FAM20B: variants seen among roughly 807,000 people sequenced by gnomAD.
FAM20B encodes FAM20B glycosaminoglycan xylosylkinase.
FAM20B carries 23 observed loss-of-function variants against 43.8 expected under a neutral mutation model. The observed-to-expected ratio is 0.53, with a 90% CI of 0.38 to 0.74. FAM20B has a LOEUF of 0.74. FAM20B is among the 30% of genes least tolerant of loss of function. The pLI, the probability that FAM20B is intolerant of heterozygous loss-of-function variation, is 0.00. For missense variants in FAM20B, 440 were observed against 510.5 expected (o/e 0.86, Z 1.33); for synonymous variants, 178 against 192.4 (o/e 0.93, Z 0.62).
At chr1:179,023,798 T>C (rs1236103617), upstream of FAM20B, among the ~76,000 whole-genome samples, 2 of 152,202 alleles carry the variant, frequency 1.3e-5, no homozygotes, top group Non-Finnish European at 2.9e-5. Context: ...CTTTCAGTGA[T>C]CACAGAGTCT....
intron 7 of FAM20B, among the ~76,000 whole-genome samples, chr1:179,068,100 A>G (rs1013750879): frequency 2.6e-5 from 4 of 152,202 alleles, no homozygotes; most frequent in Non-Finnish European, 5.9e-5. Context: ...ATCAAGAATT[A>G]GCTGGGATCC....
intron 2 of FAM20B, among the ~76,000 whole-genome samples, chr1:179,044,735 C>T (rs938039514): frequency 2.0e-5 from 3 of 152,180 alleles, no homozygotes; most frequent in Non-Finnish European, 4.4e-5. Flanking sequence ...AAGTTTGGGG[C>T]AATTGTGAAT....
At position 179,050,276 on chromosome 1, in the gene FAM20B, C is replaced by T. The variant is rs201763886; in HGVS notation, c.378-3C>T. 241 of 1,609,578 alleles carry T rather than the reference C, an allele frequency of 1.5e-4. No individual in the cohort carries two copies. Among genetic ancestry groups the T allele is most frequent in the Middle Eastern group, 1.6e-4 (1 of 6,068 alleles). Reference sequence around the variant, plus strand: ...ACATCTGTGCTTCCCATTCACTTTGCAGGTATAGCCGAGACCATGTGGTGG... The same window carrying T: ...ACATCTGTGCTTCCCATTCACTTTGTAGGTATAGCCGAGACCATGTGGTGG... On this transcript the variant is annotated splice_region_variant and splice_polypyrimidine_tract_variant and intron_variant, in intron 2 of 7. Coordinates refer to ENST00000263733, the MANE Select transcript of FAM20B (RefSeq NM_014864.4).
At position 179,039,302 on chromosome 1, in the gene FAM20B, T is replaced by C. The variant is rs145440612; in HGVS notation, c.-133-4413T>C. Among the ~76,000 whole-genome samples, 295 of 152,318 alleles carry C rather than the reference T, an allele frequency of 1.9e-3. 3 individuals are homozygous for C. The highest frequency in any genetic ancestry group is 3.6e-3 in the Non-Finnish European group (247 of 68,022). Reference sequence around the variant, plus strand: ...CAAGTGAGACGGAATTGTATGTTCTTGACACCCTTGCAAAAATCTTGTATT... The same window carrying C: ...CAAGTGAGACGGAATTGTATGTTCTCGACACCCTTGCAAAAATCTTGTATT... On this transcript the variant is annotated intron_variant, in intron 1 of 7. Coordinates refer to ENST00000263733, the MANE Select transcript of FAM20B (RefSeq NM_014864.4).
At chr1:179,067,594 ACT>A (rs1651743717) in intron 7 of FAM20B, among the ~76,000 whole-genome samples, 1 of 151,944 alleles carries the variant, frequency 6.6e-6, no homozygotes, top group Admixed American at 6.6e-5. Flanking sequence ...ACAGAGTGAG[ACT>A]CTGTCTCAAA....
chr1:179,041,690 G>GAGGGAC (rs1395860901), intron 1 of FAM20B, among the ~76,000 whole-genome samples: 1 of 147,894 alleles, frequency 6.8e-6, no homozygotes. Context: ...GGGAGAGGGA[G>GAGGGAC]ACGGGAGACG....
At chr1:179,063,336 A>G (rs889479944) in intron 4 of FAM20B, among the ~76,000 whole-genome samples, 1 of 152,190 alleles carries the variant, frequency 6.6e-6, no homozygotes, top group Non-Finnish European at 1.5e-5. Flanking sequence ...CTATAATCCC[A>G]GCATTTTGAG....
Position 179,073,743 on chromosome 1 carries a change from T to C in FAM20B, c.*1599T>C, listed in dbSNP as rs932192068. ...CTTGTTTGGAGTTCTGAACCCATGA[T>C]GTTGTATTATGCTTCTTTCTCCTCT... is the stretch of plus-strand genomic sequence containing the variant. On this transcript the variant is annotated 3_prime_UTR_variant, in exon 8 of 8. Transcript: ENST00000263733. 2.6e-5 allele frequency: 4 copies of C among 152,246 alleles called. No individual in the cohort carries two copies. In the East Asian group the frequency reaches 7.7e-4, roughly 29 times the overall value. The allele number at this position is 152,246 out of a possible 1,614,324, so 9.4% of individuals were successfully genotyped here.
chr1:179,053,453 A>G (rs1651093252), intron 3 of FAM20B, among the ~76,000 whole-genome samples: 2 of 152,058 alleles, frequency 1.3e-5, no homozygotes. Flanking sequence ...CCAAACAAAC[A>G]AACAAACAAA....
chr1:179,048,357 T>C (rs1275321280), intron 2 of FAM20B, among the ~76,000 whole-genome samples: 2 of 152,184 alleles, frequency 1.3e-5, no homozygotes, highest in Admixed American at 6.5e-5. Flanking sequence ...CTGACTTCAG[T>C]GTAGTTCTTT....
At chr1:179,071,153 G>A (rs1206266247) in intron 7 of FAM20B, among the ~76,000 whole-genome samples, 5 of 151,800 alleles carry the variant, frequency 3.3e-5, no homozygotes, top group East Asian at 2.0e-4. Context: ...AAAATTAGCC[G>A]GGCGTGGTGG....
chr1:179,061,323 A>G (rs1052776883), intron 4 of FAM20B, among the ~76,000 whole-genome samples: 1 of 151,784 alleles, frequency 6.6e-6, no homozygotes, highest in Non-Finnish European at 1.5e-5. Flanking sequence ...AGTGATCAGG[A>G]GTTCACTTAG....
At chr1:179,064,251 A>T (rs1414088475) in intron 5 of FAM20B, 54 bp from the exon 6 acceptor site, 2 of 1,492,300 alleles carry the variant, frequency 1.3e-6, no homozygotes, top group Non-Finnish European at 9.2e-7. Context: ...CTTTGTGTGT[A>T]ACAGTGCCAG....
intron 3 of FAM20B, among the ~76,000 whole-genome samples, chr1:179,051,122 TA>T (rs71108087): frequency 0.48 from 67,458 of 140,678 alleles, 16,193 homozygotes; most frequent in African/African-American, 0.59. Flanking sequence ...ACTCTGTCTT[TA>T]AAAAAAAAAA....
At position 179,066,786 on chromosome 1, in the gene FAM20B, A is replaced by G; in HGVS notation, c.939-14A>G. On this transcript the variant is annotated splice_polypyrimidine_tract_variant and intron_variant, in intron 6 of 7. Transcript: ENST00000263733. ...ACTTCCACCTAATTCACTAAGTTTT[A>G]ATTTAATTTTCAGCTTTGGGAACCC... The G allele has an allele frequency of 6.3e-7, 1 of 1,594,162 alleles. No individual in the cohort carries two copies. Among genetic ancestry groups the G allele is most frequent in the Non-Finnish European group, 8.6e-7 (1 of 1,161,826 alleles).
In FAM20B at chr1:179,044,088, A is replaced by G. The variant is rs141876206; in HGVS notation, c.241A>G (p.Thr81Ala). Reference sequence around the variant, plus strand: ...TCCCCGGGAAGTGTACCCTGAAGAGACACCAGAGCTGGGGGCAGTCATGCA... The same window carrying G: ...TCCCCGGGAAGTGTACCCTGAAGAGGCACCAGAGCTGGGGGCAGTCATGCA... ...VVPREVYPEE[T>A]PELGAVMHAM... Residue 81 changes from threonine to alanine, a missense_variant, in exon 2 of 8, where the codon ACA becomes GCA. Coordinates refer to ENST00000263733, the MANE Select transcript of FAM20B (RefSeq NM_014864.4). The G allele has an allele frequency of 1.2e-5, 19 of 1,614,022 alleles. No homozygotes were observed. The highest frequency in any genetic ancestry group is 2.2e-5 in the South Asian group (2 of 91,088).
At chr1:179,031,348 T>G (rs1034222310) in intron 1 of FAM20B, among the ~76,000 whole-genome samples, 2 of 152,248 alleles carry the variant, frequency 1.3e-5, no homozygotes, top group South Asian at 2.1e-4. Context: ...GTGTCAAGAT[T>G]ACTGCGTGTG....
intron 1 of FAM20B, among the ~76,000 whole-genome samples, chr1:179,028,497 G>A (rs1490586874): frequency 6.6e-6 from 1 of 152,150 alleles, no homozygotes. Context: ...CAGGAGAATC[G>A]CTTGAACCCA....
chr1:179,047,856 T>A (rs1572543882), intron 2 of FAM20B, among the ~76,000 whole-genome samples: 2 of 152,326 alleles, frequency 1.3e-5, no homozygotes, highest in Admixed American at 1.3e-4. Flanking sequence ...TTATTGGCAG[T>A]TACTGTATGA....
Sources: allele counts gnomAD v4.1 joint callset (sites outside exome capture counted in the v4.1 genomes callset), GRCh38; gene constraint gnomAD v4.1.1; transcripts MANE v1.5; gene names NCBI Gene and HGNC (gene_info 2026-07-23, HGNC 2026-07-21).